The following BCHE variants were observed in gnomAD, a reference collection of about 807,000 sequenced individuals.
BCHE encodes the protein cholinesterase.
In BCHE, 48 loss-of-function variants were observed where a neutral mutation model predicts 51.3. That is an observed-to-expected ratio of 0.94 (90% CI 0.74 to 1.19). The LOEUF (loss-of-function observed/expected upper bound fraction) is 1.19, where lower values mean the gene tolerates loss of function less well. BCHE is among the 50% of genes most tolerant of loss of function. The probability of loss-of-function intolerance (pLI) is 0.00; values close to 1 mark genes in which losing one functional copy is unlikely to be tolerated. For missense variants in BCHE, 847 were observed against 708.2 expected (o/e 1.20, Z -2.23); for synonymous variants, 251 against 238.0 (o/e 1.05, Z -0.50).
At chr3:165,790,048 A>G (rs1576841802) in intron 2 of BCHE, among the ~76,000 whole-genome samples, 1 of 151,976 alleles carries the variant, frequency 6.6e-6, no homozygotes, top group African/African-American at 2.4e-5. Context: ...ATGGCGGGTG[A>G]GTAAGTATCA....
rs551832763 is a variant in BCHE, at chr3:165,807,649, G to A, written c.1518-21338C>T. Among the ~76,000 whole-genome samples the A allele has an allele frequency of 2.6e-3, 401 of 151,548 alleles. 3 individuals are homozygous for A. In the Middle Eastern group the frequency reaches 0.031, roughly 12 times the overall value. On this transcript the variant is annotated intron_variant, in intron 2 of 3. Transcript: ENST00000264381. The stretch of plus-strand genomic sequence containing the variant: ...TCATCACTGCAACCTCCGCCTCCCA[G>A]GTTCAAGTAATTACCTTGCCTCAGC...
intron 2 of BCHE, among the ~76,000 whole-genome samples, chr3:165,814,568 T>C (rs1714231524): frequency 6.6e-6 from 1 of 152,100 alleles, no homozygotes; most frequent in Admixed American, 6.6e-5. Flanking sequence ...TCTTCAGGAA[T>C]TCAGCCAAAT....
chr3:165,815,927 A>G (rs1479244050), intron 2 of BCHE, among the ~76,000 whole-genome samples: 2 of 151,980 alleles, frequency 1.3e-5, no homozygotes, highest in African/African-American at 4.8e-5. Context: ...CTTGTCATGC[A>G]ATTAGACTGT....
Position 165,773,510 on chromosome 3 carries a change from T to C in BCHE, c.1685-4A>G. On this transcript the variant is annotated splice_polypyrimidine_tract_variant and splice_region_variant and intron_variant, in intron 3 of 3. Transcript: ENST00000264381. ...CATTCTGCTTCATCAATATTTCCTG[T>C]AAAATATGGAATAAGTTGTATTAAT... The C allele has an allele frequency of 1.2e-6, 2 of 1,603,700 alleles. No individual in the cohort carries two copies. The highest frequency in any genetic ancestry group is 1.1e-5 in the South Asian group (1 of 90,596).
At chr3:165,820,679 C>T (rs192728950) in intron 2 of BCHE, among the ~76,000 whole-genome samples, 5 of 151,980 alleles carry the variant, frequency 3.3e-5, no homozygotes, top group Admixed American at 3.3e-4. Flanking sequence ...TATTATCTGT[C>T]GGAAAATCTA....
At chr3:165,819,304 C>G (rs1349683971) in intron 2 of BCHE, among the ~76,000 whole-genome samples, 1 of 151,974 alleles carries the variant, frequency 6.6e-6, no homozygotes, top group African/African-American at 2.4e-5. Flanking sequence ...TCTCGAACTC[C>G]TGACCTCGGA....
intron 2 of BCHE, among the ~76,000 whole-genome samples, chr3:165,818,540 G>T (rs1714390357): frequency 6.6e-6 from 1 of 152,096 alleles, no homozygotes; most frequent in Non-Finnish European, 1.5e-5. Context: ...ATCATCAGTA[G>T]CTTTCTTTGT....
intron 3 of BCHE, among the ~76,000 whole-genome samples, chr3:165,781,604 AG>A (rs55730907): frequency 0.096 from 14,584 of 151,326 alleles, 764 homozygotes; most frequent in Admixed American, 0.14. Flanking sequence ...GTGGAGGGTG[AG>A]GGGAGGGAGA....
chr3:165,778,664 C>T (rs1331366778), intron 3 of BCHE: 4 of 452,330 alleles, frequency 8.8e-6, no homozygotes, highest in Non-Finnish European at 1.8e-5. Context: ...TGTGAGTAAG[C>T]AGACCCTGTC....
chr3:165,805,891 T>C (rs975493014), intron 2 of BCHE, among the ~76,000 whole-genome samples: 5 of 152,162 alleles, frequency 3.3e-5, no homozygotes, highest in African/African-American at 1.2e-4. Context: ...ACACTCTCCA[T>C]ATCTACCTGA....
chr3:165,785,535 A>G (rs1478277765), intron 3 of BCHE, among the ~76,000 whole-genome samples: 1 of 151,782 alleles, frequency 6.6e-6, no homozygotes, highest in African/African-American at 2.4e-5. Flanking sequence ...TTTCTCACCA[A>G]TCACTTCCTT....
rs142140750 is a variant in BCHE at position 165,792,315 on chromosome 3, C to T, written c.1518-6004G>A. On this transcript the variant is annotated intron_variant, in intron 2 of 3. Coordinates refer to ENST00000264381, the MANE Select transcript of BCHE (RefSeq NM_000055.4). Reference sequence around the variant, plus strand: ...CTTTTGATAAAAAAAATCTAAGTAACGGAAAATTTTCTTTTAGGAAAAATT... The same window carrying T: ...CTTTTGATAAAAAAAATCTAAGTAATGGAAAATTTTCTTTTAGGAAAAATT... Among the ~76,000 whole-genome samples the T allele has an allele frequency of 2.9e-3, 446 of 151,972 alleles. 5 individuals carry two copies. The highest frequency in any genetic ancestry group is 0.01 in the African/African-American group (422 of 41,444).
intron 2 of BCHE, among the ~76,000 whole-genome samples, chr3:165,819,682 G>A (rs1350180840): frequency 6.6e-6 from 1 of 151,848 alleles, no homozygotes; most frequent in Admixed American, 6.6e-5. Context: ...CTTGTCTTCT[G>A]TGTTTGTAGT....
At chr3:165,804,529 G>T (rs1713798787) in intron 2 of BCHE, among the ~76,000 whole-genome samples, 1 of 152,152 alleles carries the variant, frequency 6.6e-6, no homozygotes, top group Non-Finnish European at 1.5e-5. Flanking sequence ...TGGGAGACAA[G>T]GGCATAATCG....
rs778568717 is a variant in BCHE at position 165,830,240 on chromosome 3, TA to T, written c.793del (p.Tyr265MetfsTer8). The T allele has an allele frequency of 9.3e-6, 15 of 1,614,018 alleles. No homozygotes were observed. In the South Asian group the frequency reaches 1.4e-4, roughly 15 times the overall value. On this transcript the variant is annotated frameshift_variant, in exon 2 of 4. Coordinates refer to ENST00000264381, the MANE Select transcript of BCHE (RefSeq NM_000055.4). LOFTEE classifies it high-confidence loss of function. ...FNAPWAVTSLYEARNRTLNLA... is the reference protein window; with the variant it reads ...FNAPWAVTSLXEARNRTLNLA... ...GTTCAACGTTCTGTTCCTAGCTTCA[TA>T]AAGAGATGTTACCGCCCAAGGAGCA...
intron 2 of BCHE, among the ~76,000 whole-genome samples, chr3:165,802,793 G>A (rs942240188): frequency 6.6e-6 from 1 of 152,072 alleles, no homozygotes; most frequent in Non-Finnish European, 1.5e-5. Context: ...TCAGGCTGGA[G>A]TACCGTGGCG....
At chr3:165,781,330 C>T (rs889809861) in intron 3 of BCHE, among the ~76,000 whole-genome samples, 1 of 149,230 alleles carries the variant, frequency 6.7e-6, no homozygotes, top group African/African-American at 2.5e-5. Flanking sequence ...ATGAAACCAA[C>T]CCAAAAGCCT....
At chr3:165,810,036 C>G (rs1303448668) in intron 2 of BCHE, among the ~76,000 whole-genome samples, 1 of 152,124 alleles carries the variant, frequency 6.6e-6, no homozygotes, top group Non-Finnish European at 1.5e-5. Context: ...GCATAAGTTA[C>G]TATTAAAATT....
chr3:165,827,164 T>C (rs1332634570), intron 2 of BCHE, among the ~76,000 whole-genome samples: 1 of 152,160 alleles, frequency 6.6e-6, no homozygotes, highest in East Asian at 1.9e-4. Flanking sequence ...TTCGCATGTA[T>C]ACTTTGAAAG....
Sources: gnomAD v4.1 joint callset for allele counts (sites outside exome capture counted in the v4.1 genomes callset) on GRCh38, gnomAD v4.1.1 for gene constraint, MANE v1.5 for transcripts, NCBI Gene and HGNC (gene_info 2026-07-23, HGNC 2026-07-21) for gene names.